Variants in IMMT observed in about 807,000 individuals in gnomAD.
The protein encoded by IMMT is inner membrane mitochondrial protein.
A neutral mutation model predicts 92.7 loss-of-function variants in IMMT; 40 were observed. The observed-to-expected ratio is 0.43, with a 90% confidence interval of 0.34 to 0.56. IMMT has a LOEUF of 0.56. IMMT is among the 20% of genes least tolerant of loss of function. The pLI is 0.03. For synonymous variants in IMMT, 322 were observed against 336.1 expected, an observed-to-expected ratio of 0.96 and a Z score of 0.46; for missense variants, 831 against 912.1, an observed-to-expected ratio of 0.91 and a Z score of 1.14.
chr2:86,149,350 G>A (rs957939969), intron 12 of IMMT, among the ~76,000 whole-genome samples: 23 of 152,230 alleles, frequency 1.5e-4, no homozygotes, highest in African/African-American at 5.1e-4. Context: ...GCCTGGAGCA[G>A]TGAAATGGCT....
intron 1 of IMMT, among the ~76,000 whole-genome samples, chr2:86,186,400 A>G (rs1183028923): frequency 6.6e-6 from 1 of 152,186 alleles, no homozygotes; most frequent in Non-Finnish European, 1.5e-5. Context: ...CCCAACAATA[A>G]TAAGTTTTAT....
chr2:86,164,985 AAAAAC>A (rs1440955736), intron 7 of IMMT, among the ~76,000 whole-genome samples: 2 of 152,216 alleles, frequency 1.3e-5, no homozygotes, highest in Non-Finnish European at 2.9e-5. Flanking sequence ...TTGTACTAGA[AAAAAC>A]AAAAGCTGGA....
chr2:86,154,818 A>G (rs1292210454), intron 10 of IMMT, among the ~76,000 whole-genome samples: 1 of 152,188 alleles, frequency 6.6e-6, no homozygotes, highest in Admixed American at 6.5e-5. Context: ...GAATGCAGCC[A>G]GTCGCAGCTA....
At position 86,191,155 on chromosome 2, in the gene IMMT, G is replaced by A. The variant is rs117522803; in HGVS notation, c.45+4183C>T. The stretch of plus-strand genomic sequence containing the variant: ...GAGCCCAGGAGTTTGAGACCAGCCT[G>A]GGTAATATAGCCTGTCTCTACAGAA... On this transcript the variant is annotated intron_variant, in intron 1 of 14. Transcript: ENST00000410111. Among the ~76,000 whole-genome samples the A allele has an allele frequency of 4.1e-4, 62 of 151,860 alleles. No homozygotes were observed. In the East Asian group the frequency reaches 0.012, roughly 29 times the overall value.
chr2:86,177,345 G>A (rs1335938129), intron 3 of IMMT, among the ~76,000 whole-genome samples: 2 of 151,994 alleles, frequency 1.3e-5, no homozygotes, highest in Non-Finnish European at 1.5e-5. Flanking sequence ...GCTCACGCCT[G>A]TAATCCCAGC....
chr2:86,149,336 G>C (rs546327113), intron 12 of IMMT, among the ~76,000 whole-genome samples: 1 of 152,348 alleles, frequency 6.6e-6, no homozygotes, highest in Non-Finnish European at 1.5e-5. Context: ...AAAAATACCA[G>C]GGTGCCTGGA....
At chr2:86,171,152 A>C in intron 5 of IMMT, 56 bp downstream of exon 5, 7 of 1,448,380 alleles carry the variant, frequency 4.8e-6, no homozygotes, top group Non-Finnish European at 5.7e-6. Flanking sequence ...CTAGGCATTA[A>C]ATAGTTCTGA....
chr2:86,191,629 C>A (rs774425777), intron 1 of IMMT, among the ~76,000 whole-genome samples: 1 of 151,884 alleles, frequency 6.6e-6, no homozygotes, highest in Non-Finnish European at 1.5e-5. Flanking sequence ...TTCAGCCAGG[C>A]GCGGTGGCTC....
chr2:86,184,859 G>A (rs7567380), intron 1 of IMMT, among the ~76,000 whole-genome samples: 90,285 of 152,006 alleles, frequency 0.59, 27,135 homozygotes, highest in African/African-American at 0.68. Context: ...AAGTATAGCT[G>A]TAGCTACACC....
At chr2:86,157,837 G>A (rs1331899407) in intron 10 of IMMT, among the ~76,000 whole-genome samples, 3 of 151,108 alleles carry the variant, frequency 2.0e-5, no homozygotes, top group Admixed American at 6.6e-5. Context: ...AATTAGCCTG[G>A]TGTGGTGTCG....
chr2:86,162,096 A>C lies in IMMT; in HGVS notation c.793-17T>G. 1.4e-6 allele frequency: 2 copies of C among 1,462,776 alleles called. No homozygotes were observed. Among genetic ancestry groups the C allele is most frequent in the Non-Finnish European group, 1.9e-6 (2 of 1,078,982 alleles). 90.6% of individuals were successfully genotyped at this position (1,462,776 alleles called of 1,614,324 possible). A position where few individuals can be genotyped will look rare whatever the true frequency, so the allele number is the denominator to read the frequency against. ...GCCTGCAATCTAAACAAAAAATTTT[A>C]ATTATATAATAAATAACTGCTATTA... On this transcript the variant is annotated splice_polypyrimidine_tract_variant and intron_variant, in intron 7 of 14. Transcript: ENST00000410111.
rs560852992 is a variant in IMMT at position 86,159,894 on chromosome 2, A to G, written c.897-223T>C. 29 of 339,032 alleles carry G rather than the reference A, an allele frequency of 8.6e-5. No individual in the cohort carries two copies. The Admixed American group carries it at 9.4e-4, about 11-fold the overall frequency. 21.0% of individuals were successfully genotyped at this position (339,032 alleles called of 1,614,324 possible). A position where few individuals can be genotyped will look rare whatever the true frequency, so the allele number is the denominator to read the frequency against. ...CATAGGGAAACCATGCCTCTATTTT[A>G]TTAAAAAAACTAAAAGAAAAGTCAA... On this transcript the variant is annotated intron_variant, in intron 8 of 14. Transcript: ENST00000410111.
At chr2:86,181,273 T>A in intron 2 of IMMT, 26 bp downstream of exon 2, 1 of 1,566,396 alleles carries the variant, frequency 6.4e-7, no homozygotes, top group Non-Finnish European at 8.8e-7. Flanking sequence ...GTGAAAAGCC[T>A]GGTTATAGGG....
At chr2:86,145,238 T>TA (rs1417144131) in intron 14 of IMMT, among the ~76,000 whole-genome samples, 1 of 147,784 alleles carries the variant, frequency 6.8e-6, no homozygotes, top group Non-Finnish European at 1.5e-5. Context: ...CTCATGCCTG[T>TA]AATCCCAGCA....
At chr2:86,148,129 C>G (rs1675173653) in intron 12 of IMMT, among the ~76,000 whole-genome samples, 1 of 152,206 alleles carries the variant, frequency 6.6e-6, no homozygotes, top group South Asian at 2.1e-4. Context: ...AAAACACTGC[C>G]ATTTCCTGAA....
In IMMT at chr2:86,158,722, C is replaced by T. The variant is rs770263392; in HGVS notation, c.1033-1G>A. 6.2e-7 allele frequency: 1 copy of T among 1,602,054 alleles called. No homozygotes were observed. The highest frequency in any genetic ancestry group is 1.1e-5 in the South Asian group (1 of 89,238). ...TAGCCTCAGACTGAGCTGCTTGGAC[C>T]TGAGCAAATACACAGGGTATGTGAT... On this transcript the variant is annotated splice_acceptor_variant, in intron 9 of 14. Coordinates refer to ENST00000410111, the MANE Select transcript of IMMT (RefSeq NM_006839.3). LOFTEE classifies it high-confidence loss of function.
chr2:86,174,135 G>GA (rs1192326734), intron 3 of IMMT, among the ~76,000 whole-genome samples: 16 of 152,162 alleles, frequency 1.1e-4, no homozygotes, highest in Non-Finnish European at 2.1e-4. Context: ...CATTCAGTTA[G>GA]AAGCAAATGA....
chr2:86,158,605 C>T lies in IMMT; in HGVS notation c.1149G>A (p.Gly383=), dbSNP rs1131071. The change falls in exon 10 of 15, where the codon GGG becomes GGA. Residue 383 remains glycine, a synonymous_variant. Transcript: ENST00000410111. The stretch of plus-strand genomic sequence containing the variant: ...AGTTGTACTCACTCATTCCTTTCCA[C>T]CCAGGAAGGACTTCTGGAGTAATAC... ...LDSITPEVLP[G]WKGMSVSDLA... The T allele has an allele frequency of 0.12, 198,901 of 1,602,606 alleles. 15,957 individuals carry two copies. Among genetic ancestry groups the T allele is most frequent in the East Asian group, 0.46 (20,320 of 44,584 alleles).
rs1677664416 is a variant in IMMT, at chr2:86,179,202, A to T, written c.309+231T>A. On this transcript the variant is annotated intron_variant, in intron 3 of 14. Coordinates refer to ENST00000410111, the MANE Select transcript of IMMT (RefSeq NM_006839.3). ...CAGCATTTACAATGTATTAGATATT[A>T]CATCTAATCTAGAGATGATTTAAAG... is the stretch of plus-strand genomic sequence containing the variant. 3.3e-5 allele frequency among the ~76,000 whole-genome samples: 5 copies of T among 152,256 alleles called. No homozygotes were observed. The South Asian group carries it at 1.0e-3, about 31-fold the overall frequency.
Sources: gnomAD v4.1 joint callset for allele counts (sites outside exome capture counted in the v4.1 genomes callset) on GRCh38, gnomAD v4.1.1 for gene constraint, MANE v1.5 for transcripts, NCBI Gene and HGNC (gene_info 2026-07-23, HGNC 2026-07-21) for gene names.